Variants in MYO3B observed in about 807,000 individuals in gnomAD.
MYO3B encodes the protein myosin-IIIb.
MYO3B carries 156 observed loss-of-function variants against 174.6 expected under a neutral mutation model. The observed-to-expected ratio is 0.89, with a 90% CI of 0.78 to 1.02. The LOEUF is 1.02. Among genes scored for constraint, MYO3B ranks in the 50% least tolerant of loss-of-function variants. The probability of loss-of-function intolerance (pLI) is 0.00; values close to 1 mark genes in which losing one functional copy is unlikely to be tolerated. For synonymous variants in MYO3B, 563 were observed against 569.1 expected, an observed-to-expected ratio of 0.99 and a Z score of 0.15; for missense variants, 1,632 against 1,639.4, an observed-to-expected ratio of 1.00 and a Z score of 0.08.
intron 32 of MYO3B, among the ~76,000 whole-genome samples, chr2:170,596,231 C>T (rs539247277): frequency 6.6e-6 from 1 of 152,304 alleles, no homozygotes; most frequent in East Asian, 1.9e-4. Flanking sequence ...GTTTGTGATT[C>T]TGGCTGGGTT....
chr2:170,272,697 C>T (rs556808065), intron 7 of MYO3B, among the ~76,000 whole-genome samples: 1 of 152,114 alleles, frequency 6.6e-6, no homozygotes, highest in Non-Finnish European at 1.5e-5. Flanking sequence ...GGTGACTGGA[C>T]CATGAGGGTG....
intron 7 of MYO3B, among the ~76,000 whole-genome samples, chr2:170,291,047 G>A (rs908792249): frequency 2.6e-5 from 4 of 152,060 alleles, no homozygotes; most frequent in South Asian, 2.1e-4. Flanking sequence ...TCAGGAGTTC[G>A]AGACCAGCCT....
intron 1 of MYO3B, among the ~76,000 whole-genome samples, chr2:170,196,670 A>G (rs1559291083): frequency 1.3e-5 from 2 of 152,056 alleles, no homozygotes; most frequent in African/African-American, 2.4e-5. Flanking sequence ...TGCAAAAATT[A>G]TATCAGTGAG....
At chr2:170,632,445 A>G (rs937527027) in intron 32 of MYO3B, among the ~76,000 whole-genome samples, 2 of 152,344 alleles carry the variant, frequency 1.3e-5, no homozygotes, top group African/African-American at 4.8e-5. Context: ...ACAAAGACAC[A>G]ACATACCAGA....
At chr2:170,245,956 A>T (rs934447251) in intron 7 of MYO3B, among the ~76,000 whole-genome samples, 2 of 152,176 alleles carry the variant, frequency 1.3e-5, no homozygotes, top group Non-Finnish European at 2.9e-5. Flanking sequence ...TAATAAAAAT[A>T]TACCAGTGCC....
At chr2:170,587,191 A>G (rs892273677) in intron 32 of MYO3B, among the ~76,000 whole-genome samples, 3 of 152,214 alleles carry the variant, frequency 2.0e-5, no homozygotes, top group African/African-American at 7.2e-5. Flanking sequence ...TGACTTATGT[A>G]TTTACTATAC....
chr2:170,580,672 C>T (rs151159873), intron 32 of MYO3B, among the ~76,000 whole-genome samples: 1 of 150,260 alleles, frequency 6.7e-6, no homozygotes, highest in Non-Finnish European at 1.5e-5. Flanking sequence ...ATATAAAAAA[C>T]CACTCCTCAA....
At chr2:170,292,663 C>G (rs1001657387) in intron 7 of MYO3B, among the ~76,000 whole-genome samples, 13 of 152,060 alleles carry the variant, frequency 8.5e-5, no homozygotes, top group African/African-American at 3.1e-4. Flanking sequence ...ATGATCTGAG[C>G]CCTGCCTGTT....
chr2:170,283,118 G>A (rs907392477), intron 7 of MYO3B, among the ~76,000 whole-genome samples: 2 of 152,110 alleles, frequency 1.3e-5, no homozygotes, highest in African/African-American at 4.8e-5. Flanking sequence ...CTGTGCTGCC[G>A]CTGCCTGGAA....
chr2:170,451,351 C>T (rs935956729), intron 23 of MYO3B, among the ~76,000 whole-genome samples: 8 of 152,362 alleles, frequency 5.3e-5, no homozygotes, highest in South Asian at 2.1e-4. Context: ...GCATGGCTTA[C>T]GCCACATGTC....
chr2:170,400,660 G>A (rs1184053881), intron 17 of MYO3B, among the ~76,000 whole-genome samples: 4 of 122,774 alleles, frequency 3.3e-5, no homozygotes, highest in Admixed American at 8.9e-5. Context: ...CCCCCCCCTC[G>A]GCCTCCCAAA....
chr2:170,434,896 G>A (rs553971838), intron 22 of MYO3B, among the ~76,000 whole-genome samples: 35 of 152,208 alleles, frequency 2.3e-4, no homozygotes, highest in African/African-American at 3.6e-4. Context: ...CTGGGCTTAG[G>A]TGATCCTTCC....
intron 32 of MYO3B, chr2:170,601,914 G>A: frequency 1.2e-6 from 1 of 846,894 alleles, no homozygotes; most frequent in Non-Finnish European, 1.9e-6. Context: ...ACTCAGAGCA[G>A]AACAGCAAAA....
rs555799047 is a variant in MYO3B, at chr2:170,456,175, G to A, written c.2731-7193G>A. 4.4e-3 allele frequency among the ~76,000 whole-genome samples: 671 copies of A among 152,180 alleles called. 3 individuals carry two copies. Among genetic ancestry groups the A allele is most frequent in the Middle Eastern group, 0.041 (12 of 294 alleles). On this transcript the variant is annotated intron_variant, in intron 23 of 34. Transcript: ENST00000408978. Reference sequence around the variant, plus strand: ...GTGGATATTTTGGTGGGGGGGTGGGGCGGTAAATGATTTTAGGGGAATTTA... The same window carrying A: ...GTGGATATTTTGGTGGGGGGGTGGGACGGTAAATGATTTTAGGGGAATTTA...
intron 32 of MYO3B, among the ~76,000 whole-genome samples, chr2:170,577,096 C>T (rs1692832681): frequency 8.1e-6 from 1 of 122,820 alleles, no homozygotes; most frequent in South Asian, 2.6e-4. Context: ...GCCTCTAATT[C>T]AGTGGAACCA....
In MYO3B at chr2:170,214,393, C is replaced by T. The variant is rs779988778; in HGVS notation, c.336C>T (p.Gly112=). The part of the protein sequence containing the change: ...LWLVLELCNG[G]SVTELVKGLL... ...TCTTCTTGCAGCTGTGTAATGGGGG[C>T]TCAGTCACTGAGCTTGTCAAAGGTC... The change falls in exon 4 of 35, where the codon GGC becomes GGT. Residue 112 remains glycine (G), a synonymous_variant. Transcript: ENST00000408978. 6.8e-6 allele frequency: 11 copies of T among 1,613,944 alleles called. No homozygotes were observed. The Admixed American group carries it at 8.3e-5, about 12-fold the overall frequency.
chr2:170,178,344 T>C, intron 1 of MYO3B, 55 bp downstream of exon 1: 1 of 1,613,662 alleles, frequency 6.2e-7, no homozygotes, highest in South Asian at 1.1e-5. Flanking sequence ...TTAGATTGTT[T>C]TTCTGCAAAG....
At chr2:170,271,586 A>C (rs1401277) in intron 7 of MYO3B, among the ~76,000 whole-genome samples, 121,689 of 152,144 alleles carry the variant, frequency 0.8, 51,581 homozygotes, top group East Asian at 0.96. Context: ...GGCCCAGTGC[A>C]TAGAGTACAA....
chr2:170,445,363 CAG>C lies in MYO3B; in HGVS notation c.2730+1320_2730+1321del, dbSNP rs984396314. ...ACATTTTTTTTTTTTATTTTTGAGA[CAG>C]AGTTTCACTCTTGTTGCCCAGGCTG... is the stretch of plus-strand genomic sequence containing the variant. On this transcript the variant is annotated intron_variant, in intron 23 of 34. Transcript: ENST00000408978. Among the ~76,000 whole-genome samples the C allele has an allele frequency of 4.3e-3, 651 of 151,816 alleles. 4 individuals carry two copies. The highest frequency in any genetic ancestry group is 0.015 in the African/African-American group (636 of 41,384).
Sources: allele counts gnomAD v4.1 joint callset (sites outside exome capture counted in the v4.1 genomes callset), GRCh38; gene constraint gnomAD v4.1.1; transcripts MANE v1.5; gene names NCBI Gene and HGNC (gene_info 2026-07-23, HGNC 2026-07-21).